ARHGEF10: variants seen among roughly 807,000 people sequenced by gnomAD.
ARHGEF10 encodes Rho guanine nucleotide exchange factor (GEF) 10.
A neutral mutation model predicts 147.4 loss-of-function variants in ARHGEF10; 140 were observed. That is an observed-to-expected ratio of 0.95 (90% CI 0.83 to 1.09). The LOEUF (loss-of-function observed/expected upper bound fraction) is 1.09. Ranked by LOEUF, ARHGEF10 falls within the 50% of genes least tolerant of loss-of-function variation. ARHGEF10 has a pLI of 0.00. For missense variants in ARHGEF10, 2,222 were observed against 1,752.7 expected (o/e 1.27, Z -4.78); for synonymous variants, 902 against 695.8 (o/e 1.30, Z -4.67).
chr8:1,858,187 TG>T, intron 3 of ARHGEF10, 72 bp downstream of exon 3: 1 of 1,037,922 alleles, frequency 9.6e-7, no homozygotes, highest in Non-Finnish European at 1.3e-6. Context: ...TGGGTCCCCA[TG>T]TGAGTCACCA....
intron 2 of ARHGEF10, among the ~76,000 whole-genome samples, chr8:1,854,742 C>T (rs1167908266): frequency 6.6e-6 from 1 of 152,222 alleles, no homozygotes; most frequent in Non-Finnish European, 1.5e-5. Context: ...TGGCAAAAAA[C>T]AGTTTGAAGC....
chr8:1,924,553 C>A lies in ARHGEF10; in HGVS notation c.2488+679C>A, dbSNP rs559928323. Among the ~76,000 whole-genome samples, 35 of 152,296 alleles carry A rather than the reference C, an allele frequency of 2.3e-4. No individual in the cohort carries two copies. In the South Asian group the frequency reaches 6.0e-3, roughly 26 times the overall value. ...TAAAATACAGAAGAGAAATGCAGAG[C>A]GTGGGTAACGCCATTGCCCCGGGGA... On this transcript the variant is annotated intron_variant, in intron 21 of 28. Coordinates refer to ENST00000349830, the MANE Select transcript of ARHGEF10 (RefSeq NM_014629.4).
intron 18 of ARHGEF10, among the ~76,000 whole-genome samples, chr8:1,918,985 G>C (rs1267652367): frequency 6.6e-6 from 1 of 151,756 alleles, no homozygotes; most frequent in Admixed American, 6.6e-5. Context: ...TTCTGTGGGT[G>C]ATGGAGCTGT....
intron 2 of ARHGEF10, among the ~76,000 whole-genome samples, chr8:1,851,355 G>A (rs1478293760): frequency 2.0e-5 from 3 of 150,890 alleles, no homozygotes; most frequent in African/African-American, 2.5e-5. Context: ...GTGGGCTTTA[G>A]TTAGTGACAT....
chr8:1,835,809 G>C (rs1003949848), intron 1 of ARHGEF10, among the ~76,000 whole-genome samples: 1 of 152,202 alleles, frequency 6.6e-6, no homozygotes, highest in African/African-American at 2.4e-5. Context: ...GCGGCCTGAC[G>C]CACACGGCAT....
At chr8:1,934,640 G>A (rs540427752) in intron 26 of ARHGEF10, among the ~76,000 whole-genome samples, 1 of 152,272 alleles carries the variant, frequency 6.6e-6, no homozygotes, top group African/African-American at 2.4e-5. Context: ...GCAGCCGTTT[G>A]GAAAACACGG....
intron 4 of ARHGEF10, among the ~76,000 whole-genome samples, chr8:1,864,143 T>G (rs776623509): frequency 1.3e-4 from 20 of 152,172 alleles, no homozygotes; most frequent in Non-Finnish European, 2.6e-4. Flanking sequence ...CTGGTGCAGT[T>G]TATTTCTGGC....
intron 4 of ARHGEF10, among the ~76,000 whole-genome samples, chr8:1,860,509 G>T (rs1465921745): frequency 1.3e-5 from 2 of 152,162 alleles, no homozygotes; most frequent in Non-Finnish European, 2.9e-5. Context: ...GTAGAGTCCG[G>T]GCCTGACCTT....
intron 8 of ARHGEF10, 130 bp from the exon 9 acceptor site, chr8:1,879,918 C>A: frequency 1.3e-6 from 1 of 770,526 alleles, no homozygotes; most frequent in South Asian, 1.4e-5. Flanking sequence ...GCGTGTGGTC[C>A]CAGAAGCCCC....
chr8:1,846,067 G>A (rs1804539872), intron 2 of ARHGEF10, among the ~76,000 whole-genome samples: 1 of 152,254 alleles, frequency 6.6e-6, no homozygotes, highest in African/African-American at 2.4e-5. Flanking sequence ...CTAGCTCCAG[G>A]CTGCAGGAAT....
intron 2 of ARHGEF10, among the ~76,000 whole-genome samples, chr8:1,855,486 A>T (rs1805479533): frequency 6.6e-6 from 1 of 151,612 alleles, no homozygotes; most frequent in Non-Finnish European, 1.5e-5. Context: ...GGTTCAGGTG[A>T]TCCTCCCACC....
intron 28 of ARHGEF10, among the ~76,000 whole-genome samples, chr8:1,954,407 A>T (rs1815312014): frequency 6.6e-6 from 1 of 152,132 alleles, no homozygotes; most frequent in Non-Finnish European, 1.5e-5. Flanking sequence ...CATTGGAGGA[A>T]TTCAGATTTT....
chr8:1,849,761 CCACGTGGACATAGAGGGCAAA>C (rs1804886626), intron 2 of ARHGEF10, among the ~76,000 whole-genome samples: 2 of 144,208 alleles, frequency 1.4e-5, no homozygotes, highest in African/African-American at 5.4e-5. Context: ...CGTGGGGCGG[CCACGTGGACATAGAGGGCAAA>C]TGCTGAGGAG....
At chr8:1,942,008 A>G (rs1814133493) in intron 26 of ARHGEF10, among the ~76,000 whole-genome samples, 1 of 152,092 alleles carries the variant, frequency 6.6e-6, no homozygotes, top group Admixed American at 6.5e-5. Flanking sequence ...AAAACTATAA[A>G]CACCTTAAAA....
rs1227794096 is a variant in ARHGEF10, at chr8:1,928,787, A to C, written c.2921+137A>C. ...CAGGAATTAGGGGATACCAGGGGAA[A>C]TTTTTAGGGTCATTGCACTTTGAAA... On this transcript the variant is annotated intron_variant, in intron 24 of 28. Coordinates refer to ENST00000349830, the MANE Select transcript of ARHGEF10 (RefSeq NM_014629.4). 6 of 920,914 alleles carry C rather than the reference A, an allele frequency of 6.5e-6. No homozygotes were observed. The Admixed American group carries it at 1.0e-4, about 16-fold the overall frequency. 57.0% of individuals were successfully genotyped at this position (920,914 alleles called of 1,614,324 possible).
In ARHGEF10 at chr8:1,957,224, G is replaced by C. The variant is rs756352427; in HGVS notation, c.3996G>C (p.Pro1332=). 3 of 1,611,764 alleles carry C rather than the reference G, an allele frequency of 1.9e-6. No homozygotes were observed. Among genetic ancestry groups the C allele is most frequent in the Non-Finnish European group, 2.5e-6 (3 of 1,179,870 alleles). ...AGCCCCACCAGGAAGAGCTGGCGCC[G>C]ACCGTCATGGTCTGGCAGATCCCTC... is the stretch of plus-strand genomic sequence containing the variant. The part of the protein sequence containing the change: ...ARQPHQEELA[P]TVMVWQIPLL... The change falls in exon 29 of 29, where the codon CCG becomes CCC. Residue 1332 remains proline, a synonymous_variant. Transcript: ENST00000349830.
At chr8:1,851,062 G>A (rs1805098406) in intron 2 of ARHGEF10, among the ~76,000 whole-genome samples, 1 of 152,192 alleles carries the variant, frequency 6.6e-6, no homozygotes. Context: ...GGCGGAGCAC[G>A]GGATTTTTAG....
chr8:1,832,631 CAGAGGCAG>C (rs750053648), intron 1 of ARHGEF10, among the ~76,000 whole-genome samples: 1 of 47,448 alleles, frequency 2.1e-5, no homozygotes. Context: ...CAGAGAGAGA[CAGAGGCAG>C]AGGCAGAGAC....
intron 18 of ARHGEF10, among the ~76,000 whole-genome samples, chr8:1,917,491 A>G (rs776125263): frequency 2.0e-5 from 3 of 152,116 alleles, no homozygotes; most frequent in Non-Finnish European, 4.4e-5. Context: ...CGTCCTTGCT[A>G]TTGATCTGGC....
Sources: gnomAD v4.1 joint callset for allele counts (sites outside exome capture counted in the v4.1 genomes callset) on GRCh38, gnomAD v4.1.1 for gene constraint, MANE v1.5 for transcripts, NCBI Gene and HGNC (gene_info 2026-07-23, HGNC 2026-07-21) for gene names.